SEH1L: variants seen among roughly 807,000 people sequenced by gnomAD.
SEH1L encodes SEH1 like nucleoporin, also known as nucleoporin SEH1.
A neutral mutation model predicts 49.5 loss-of-function variants in SEH1L; 18 were observed. That is an observed-to-expected ratio of 0.36 (90% CI 0.25 to 0.54). SEH1L has a LOEUF of 0.54. Among genes scored for constraint, SEH1L ranks in the 20% least tolerant of loss-of-function variants. The pLI is 0.87. For missense variants in SEH1L, 404 were observed against 528.8 expected (o/e 0.76, Z 2.31); for synonymous variants, 169 against 178.1 (o/e 0.95, Z 0.41).
At chr18:12,962,200 C>T (rs376562047) in intron 3 of SEH1L, among the ~76,000 whole-genome samples, 3 of 148,432 alleles carry the variant, frequency 2.0e-5, no homozygotes, top group South Asian at 2.2e-4. Flanking sequence ...GTTTGAGACC[C>T]ATCTGGGCAA....
intron 3 of SEH1L, 101 bp downstream of exon 3, chr18:12,955,710 C>A: frequency 8.4e-7 from 1 of 1,188,876 alleles, no homozygotes; most frequent in Non-Finnish European, 1.2e-6. Context: ...ATCACCACTC[C>A]CCTCTAGTTT....
intron 3 of SEH1L, among the ~76,000 whole-genome samples, chr18:12,958,430 C>A (rs1041173181): frequency 1.3e-5 from 2 of 152,236 alleles, no homozygotes; most frequent in Non-Finnish European, 2.9e-5. Context: ...GAATTAATTA[C>A]GTTCACAGTG....
intron 7 of SEH1L, 70 bp downstream of exon 7, chr18:12,982,745 C>G (rs866830022): frequency 1.6e-6 from 2 of 1,219,818 alleles, no homozygotes; most frequent in African/African-American, 3.1e-5. Flanking sequence ...AAAATGTAAA[C>G]TCTGAAATAT....
chr18:12,951,949 A>C, intron 2 of SEH1L, 44 bp downstream of exon 2: 1 of 1,069,398 alleles, frequency 9.4e-7, no homozygotes, highest in Non-Finnish European at 1.4e-6. Flanking sequence ...AGAAATATTT[A>C]CTGTTTATTT....
chr18:12,970,720 G>T (rs952836910), intron 4 of SEH1L, among the ~76,000 whole-genome samples: 1 of 152,102 alleles, frequency 6.6e-6, no homozygotes, highest in Non-Finnish European at 1.5e-5. Context: ...CCACCCTGCC[G>T]CAGTGTTTCT....
At chr18:12,968,523 T>A (rs941169701) in intron 4 of SEH1L, among the ~76,000 whole-genome samples, 3 of 152,212 alleles carry the variant, frequency 2.0e-5, no homozygotes, top group African/African-American at 7.2e-5. Context: ...TCATTTATAT[T>A]CTTTGCATTT....
At chr18:12,980,985 G>T (rs1414484951) in intron 6 of SEH1L, among the ~76,000 whole-genome samples, 1 of 151,180 alleles carries the variant, frequency 6.6e-6, no homozygotes, top group Non-Finnish European at 1.5e-5. Context: ...CTTCCCAGAC[G>T]GGGTGGCTGC....
rs369214184 is a variant in SEH1L at position 12,986,853 on chromosome 18, T to C, written c.1071-9T>C. The C allele has an allele frequency of 6.7e-7, 1 of 1,491,302 alleles. No homozygotes were observed. Among genetic ancestry groups the C allele is most frequent in the Non-Finnish European group, 9.0e-7 (1 of 1,113,492 alleles). 92.4% of individuals were successfully genotyped at this position (1,491,302 alleles called of 1,614,324 possible). On this transcript the variant is annotated splice_polypyrimidine_tract_variant and intron_variant, in intron 8 of 8. Coordinates refer to ENST00000399892, the MANE Select transcript of SEH1L (RefSeq NM_001013437.2). Reference sequence around the variant, plus strand: ...GTTTGGTGTTTTGTTCCTGTCTTCATTGTTTCAGGTATTTCTTTACCCCTC... The same window carrying C: ...GTTTGGTGTTTTGTTCCTGTCTTCACTGTTTCAGGTATTTCTTTACCCCTC...
chr18:12,973,914 A>G (rs1263265028), intron 5 of SEH1L: 4 of 152,240 alleles, frequency 2.6e-5, no homozygotes. Flanking sequence ...ACATGCTAAT[A>G]CAAAGAAGGG....
intron 5 of SEH1L, chr18:12,973,918 A>T (rs1031297408): frequency 2.0e-5 from 3 of 152,240 alleles, no homozygotes; most frequent in Admixed American, 1.3e-4. Flanking sequence ...GCTAATACAA[A>T]GAAGGGTATT....
At chr18:12,966,017 CTGGATTATTATGTGTTGGCCTTTG>C (rs2031434235) in intron 4 of SEH1L, among the ~76,000 whole-genome samples, 1 of 152,132 alleles carries the variant, frequency 6.6e-6, no homozygotes, top group South Asian at 2.1e-4. Flanking sequence ...AAACCCCAAC[CTGGATTATTATGTGTTGGCCTTTG>C]TTGATTAATC....
At chr18:12,978,968 G>C (rs879351017) in intron 6 of SEH1L, 76 bp downstream of exon 6, 20 of 1,346,958 alleles carry the variant, frequency 1.5e-5, no homozygotes, top group Non-Finnish European at 2.0e-5. Context: ...GGAGAGAGTA[G>C]AGGTAACTAT....
Position 12,986,904 on chromosome 18 carries a change from A to G in SEH1L, c.1113A>G (p.Arg371=). The change falls in exon 9 of 9, where the codon AGA becomes AGG. Residue 371 remains arginine, a synonymous_variant. Coordinates refer to ENST00000399892, the MANE Select transcript of SEH1L (RefSeq NM_001013437.2). ...TGGATTCCCCACGGGCTGGATCGAGATGGTCCAGTTATGCCCAGCTCCTTC... is the reference window on the plus strand; with the variant it reads ...TGGATTCCCCACGGGCTGGATCGAGGTGGTCCAGTTATGCCCAGCTCCTTC... ...TPLDSPRAGS[R]WSSYAQLLPP... 1 of 1,609,946 alleles carries G rather than the reference A, an allele frequency of 6.2e-7. No individual in the cohort carries two copies. Among genetic ancestry groups the G allele is most frequent in the Non-Finnish European group, 8.5e-7 (1 of 1,178,040 alleles).
chr18:12,985,565 G>A, intron 8 of SEH1L: 1 of 1,114,682 alleles, frequency 9.0e-7, no homozygotes, highest in Non-Finnish European at 1.1e-6. Context: ...TAAAAGGGTT[G>A]TTACCATTCT....
At chr18:12,949,494 C>T (rs2030374581) in intron 1 of SEH1L, among the ~76,000 whole-genome samples, 1 of 119,426 alleles carries the variant, frequency 8.4e-6, no homozygotes, top group South Asian at 3.1e-4. Flanking sequence ...GCTCTGTCAC[C>T]CAGGCTGGAG....
At position 12,987,163 on chromosome 18, in the gene SEH1L, G is replaced by T; in HGVS notation, c.*106G>T. 1.2e-6 allele frequency: 1 copy of T among 811,110 alleles called. No homozygotes were observed. The highest frequency in any genetic ancestry group is 1.9e-6 in the Non-Finnish European group (1 of 524,598). The allele number at this position is 811,110 out of a possible 1,614,324, so 50.2% of individuals were successfully genotyped here. A position where few individuals can be genotyped will look rare whatever the true frequency, so the allele number is the denominator to read the frequency against. On this transcript the variant is annotated 3_prime_UTR_variant, in exon 9 of 9. Coordinates refer to ENST00000399892, the MANE Select transcript of SEH1L (RefSeq NM_001013437.2). ...CTTTCAGAAGATTTTTCTAACTTAG[G>T]GTCTGTCTTGCATGTATTACAACCA...
chr18:12,958,024 T>C (rs1041523333), intron 3 of SEH1L, among the ~76,000 whole-genome samples: 1 of 151,730 alleles, frequency 6.6e-6, no homozygotes, highest in Non-Finnish European at 1.5e-5. Flanking sequence ...CAATTTTTTA[T>C]TGTGGTAAAA....
rs569060452 is a variant in SEH1L at position 12,957,650 on chromosome 18, T to G, written c.309+2041T>G. ...CATGCTTTTTTTCCCCCTTTATGAT[T>G]TGTTTTTTGTAATAGATAATCATGC... On this transcript the variant is annotated intron_variant, in intron 3 of 8. Coordinates refer to ENST00000399892, the MANE Select transcript of SEH1L (RefSeq NM_001013437.2). Among the ~76,000 whole-genome samples the G allele has an allele frequency of 1.8e-4, 27 of 152,370 alleles. No homozygotes were observed. The South Asian group carries it at 5.6e-3, about 32-fold the overall frequency.
At chr18:12,950,191 G>T (rs1381208270) in intron 1 of SEH1L, among the ~76,000 whole-genome samples, 3 of 151,782 alleles carry the variant, frequency 2.0e-5, no homozygotes, top group East Asian at 1.9e-4. Flanking sequence ...ACGCCACCAC[G>T]CCTGGCCAAT....
Sources: gnomAD v4.1 joint callset for allele counts (sites outside exome capture counted in the v4.1 genomes callset) on GRCh38, gnomAD v4.1.1 for gene constraint, MANE v1.5 for transcripts, NCBI Gene and HGNC (gene_info 2026-07-23, HGNC 2026-07-21) for gene names.